ATAD2B: variants seen among roughly 807,000 people sequenced by gnomAD.
ATAD2B encodes the protein ATPase family AAA domain-containing protein 2B.
In ATAD2B, 40 loss-of-function variants were observed where a neutral mutation model predicts 167.6. The ratio of observed to expected loss-of-function variants is 0.24; its 90% confidence interval spans 0.19 to 0.31. ATAD2B has a LOEUF of 0.31. ATAD2B is among the 10% of genes least tolerant of loss of function. ATAD2B has a pLI of 1.00. For missense variants in ATAD2B, 1,242 were observed against 1,757.2 expected (o/e 0.71, Z 5.24); for synonymous variants, 579 against 596.5 (o/e 0.97, Z 0.43).
chr2:23,723,049 TG>T, the ATAD2B span, among the ~76,000 whole-genome samples: 1 of 152,176 alleles, frequency 6.6e-6, no homozygotes, highest in Non-Finnish European at 1.5e-5. Flanking sequence ...CTCATCACTT[TG>T]GGAGGCCAAG....
intron 8 of ATAD2B, among the ~76,000 whole-genome samples, chr2:23,872,027 A>C (rs1186182319): frequency 6.6e-6 from 1 of 151,976 alleles, no homozygotes; most frequent in East Asian, 1.9e-4. Flanking sequence ...ACAGGTGCAC[A>C]CCAACACGCC....
the ATAD2B span, among the ~76,000 whole-genome samples, chr2:23,734,677 T>C: frequency 6.6e-6 from 1 of 152,152 alleles, no homozygotes; most frequent in Non-Finnish European, 1.5e-5. Flanking sequence ...ATTCATTCAC[T>C]ATCATGAGAA....
At chr2:23,680,384 G>C in the ATAD2B span, among the ~76,000 whole-genome samples, 1 of 152,178 alleles carries the variant, frequency 6.6e-6, no homozygotes, top group African/African-American at 2.4e-5. This position sits in a 1 kb window ranked among gnomAD's most constrained non-coding sequence, Gnocchi z 4.1. Flanking sequence ...AAGGGGCAAA[G>C]AGGCCTGGGA....
intron 1 of ATAD2B, among the ~76,000 whole-genome samples, chr2:23,926,223 C>T (rs1482666576): frequency 2.6e-5 from 4 of 152,206 alleles, no homozygotes; most frequent in Non-Finnish European, 5.9e-5. Context: ...TCTGGCCCTT[C>T]GCTCTTGCTT....
intron 13 of ATAD2B, among the ~76,000 whole-genome samples, chr2:23,836,444 C>G (rs1217303456): frequency 6.6e-6 from 1 of 152,188 alleles, no homozygotes; most frequent in East Asian, 1.9e-4. Flanking sequence ...CTCCTCTTCA[C>G]CCACAAAATG....
intron 1 of ATAD2B, among the ~76,000 whole-genome samples, chr2:23,916,928 C>A (rs1328290092): frequency 3.9e-5 from 6 of 152,144 alleles, no homozygotes. Context: ...CTCCACTAGA[C>A]TTTAAGTACA....
intron 18 of ATAD2B, among the ~76,000 whole-genome samples, chr2:23,806,492 AT>A (rs1218701578): frequency 6.6e-6 from 1 of 152,208 alleles, no homozygotes; most frequent in African/African-American, 2.4e-5. Flanking sequence ...CACCCTTACA[AT>A]TTTGGTAGGG....
At chr2:23,921,719 A>G (rs894402868) in intron 1 of ATAD2B, among the ~76,000 whole-genome samples, 1 of 152,142 alleles carries the variant, frequency 6.6e-6, no homozygotes, top group Non-Finnish European at 1.5e-5. Flanking sequence ...GAACTCCACT[A>G]CTGCTTTGGT....
At chr2:23,710,592 A>T in the ATAD2B span, among the ~76,000 whole-genome samples, 1 of 152,254 alleles carries the variant, frequency 6.6e-6, no homozygotes, top group African/African-American at 2.4e-5. Context: ...TGAGGAAATC[A>T]TAAAACTATG....
intron 13 of ATAD2B, among the ~76,000 whole-genome samples, chr2:23,850,742 A>G (rs1397677274): frequency 6.6e-6 from 1 of 152,234 alleles, no homozygotes; most frequent in African/African-American, 2.4e-5. Flanking sequence ...AAGAGCAGAT[A>G]CGTGTCATTA....
chr2:23,763,566 G>A (rs1241267988), intron 23 of ATAD2B, among the ~76,000 whole-genome samples: 1 of 152,078 alleles, frequency 6.6e-6, no homozygotes, highest in Non-Finnish European at 1.5e-5. Flanking sequence ...TTCTGGGTCT[G>A]GCTATTTTTA....
Position 23,757,744 on chromosome 2 carries a change from A to G in ATAD2B, c.3752T>C (p.Leu1251Ser). The G allele has an allele frequency of 6.2e-7, 1 of 1,604,248 alleles. No individual in the cohort carries two copies. Among genetic ancestry groups the G allele is most frequent in the Non-Finnish European group, 8.5e-7 (1 of 1,176,778 alleles). Residue 1251 changes from leucine to serine, a missense_variant, in exon 25 of 28, where the codon TTA becomes TCA. Leu to Ser is a moderately radical substitution (Grantham distance 145). Transcript: ENST00000238789. ...ESLLVNSSSS[L>S]NPEQTSRKET... ...TTTCCTGGAGGTCTGCTCCGGGTTT[A>G]AGGAACTGCTGCTGTTGACCAGTAG...
At chr2:23,706,462 C>T in the ATAD2B span, 56 of 1,458,590 alleles carry the variant, frequency 3.8e-5, no homozygotes, top group Non-Finnish European at 5.1e-5. Flanking sequence ...CTAACTCTGT[C>T]CCCGCTTTCC....
chr2:23,790,046 C>T (rs1252865070), intron 19 of ATAD2B, among the ~76,000 whole-genome samples: 1 of 152,146 alleles, frequency 6.6e-6, no homozygotes, highest in African/African-American at 2.4e-5. Flanking sequence ...TGTGTCGTTC[C>T]AGTGCTTTTG....
At chr2:23,851,239 A>T (rs1692513156) in intron 13 of ATAD2B, among the ~76,000 whole-genome samples, 1 of 152,146 alleles carries the variant, frequency 6.6e-6, no homozygotes, top group East Asian at 1.9e-4. Context: ...TGACCTCCCC[A>T]GGCTCAAGTG....
At chr2:23,862,804 T>C (rs974046893) in intron 12 of ATAD2B, among the ~76,000 whole-genome samples, 1 of 152,186 alleles carries the variant, frequency 6.6e-6, no homozygotes, top group Admixed American at 6.5e-5. Context: ...AGTTCCCCAA[T>C]GGATTATAAT....
chr2:23,918,289 T>C (rs531144388), intron 1 of ATAD2B, among the ~76,000 whole-genome samples: 6 of 151,360 alleles, frequency 4.0e-5, no homozygotes, highest in Non-Finnish European at 5.9e-5. Context: ...GAGAATCCAC[T>C]GAACTCAGGA....
chr2:23,871,166 A>C (rs956886528), intron 8 of ATAD2B, among the ~76,000 whole-genome samples: 9 of 151,142 alleles, frequency 6.0e-5, no homozygotes, highest in African/African-American at 2.2e-4. Context: ...CCACATAATC[A>C]CTGCCATTGA....
chr2:23,918,144 T>A (rs866735289), intron 1 of ATAD2B, among the ~76,000 whole-genome samples: 1 of 151,256 alleles, frequency 6.6e-6, no homozygotes, highest in African/African-American at 2.4e-5. Context: ...GGCAGGAAGA[T>A]TTCTTGAGCC....
Sources: allele counts gnomAD v4.1 joint callset (sites outside exome capture counted in the v4.1 genomes callset), GRCh38; gene constraint gnomAD v4.1.1; non-coding constraint Gnocchi (gnomAD v3.1); transcripts MANE v1.5; gene names NCBI Gene and HGNC (gene_info 2026-07-23, HGNC 2026-07-21).